PES1: variants seen among roughly 807,000 people sequenced by gnomAD.
PES1 encodes pescadillo ribosomal biogenesis factor 1.
Under a neutral mutation model 77.1 loss-of-function variants are expected in PES1, and 31 were observed. The observed-to-expected ratio is 0.40, with a 90% CI of 0.30 to 0.54. The LOEUF is 0.54. Among genes scored for constraint, PES1 ranks in the 20% least tolerant of loss-of-function variants. The probability of loss-of-function intolerance (pLI) is 0.45; values close to 1 mark genes in which losing one functional copy is unlikely to be tolerated. For missense variants in PES1, 658 were observed against 771.7 expected (o/e 0.85, Z 1.75); for synonymous variants, 282 against 303.0 (o/e 0.93, Z 0.72).
intron 2 of PES1, among the ~76,000 whole-genome samples, chr22:30,598,884 AATTTTTTTTTTTT>A (rs1349204830): frequency 4.3e-4 from 20 of 46,262 alleles, no homozygotes; most frequent in African/African-American, 1.5e-3. Context: ...ACTTAAGTAA[AATTTTTTTTTTTT>A]TTTTTTTTTT....
chr22:30,581,215 C>T, intron 8 of PES1, 114 bp from the exon 9 acceptor site: 1 of 1,344,170 alleles, frequency 7.4e-7, no homozygotes, highest in Non-Finnish European at 1.0e-6. Context: ...GTTCCAAGGG[C>T]AGGCTGAGAC....
chr22:30,579,517 C>A, intron 12 of PES1: 1 of 759,470 alleles, frequency 1.3e-6, no homozygotes, highest in Non-Finnish European at 2.1e-6. Context: ...CTGTCGCCTC[C>A]AATGTAAACT....
intron 4 of PES1, among the ~76,000 whole-genome samples, chr22:30,586,402 G>A (rs534193035): frequency 9.2e-5 from 14 of 152,152 alleles, no homozygotes; most frequent in Non-Finnish European, 2.1e-4. Flanking sequence ...AAGCCAACCC[G>A]AGCCATCCTA....
At chr22:30,597,952 C>T (rs949056877) in intron 2 of PES1, among the ~76,000 whole-genome samples, 7 of 144,278 alleles carry the variant, frequency 4.9e-5, no homozygotes, top group Admixed American at 1.4e-4. Flanking sequence ...GGCGGCATCT[C>T]GGCTCACTGC....
At position 30,588,049 on chromosome 22, in the gene PES1, G is replaced by A. The variant is rs756112403; in HGVS notation, c.230C>T (p.Pro77Leu). 3.1e-6 allele frequency: 5 copies of A among 1,614,084 alleles called. No individual in the cohort carries two copies. The highest frequency in any genetic ancestry group is 4.2e-6 in the Non-Finnish European group (5 of 1,180,048). The change falls in exon 3 of 15, where the codon CCC becomes CTC. Residue 77 changes from proline to leucine, a missense_variant. Coordinates refer to ENST00000354694, the MANE Select transcript of PES1 (RefSeq NM_014303.4). Reference sequence around the variant, plus strand: ...GTATTCACGGAACTTGTTGACAATGGGTTCGTGGAGGAGAAACCTGATGTC... The same window carrying A: ...GTATTCACGGAACTTGTTGACAATGAGTTCGTGGAGGAGAAACCTGATGTC... ...IKDIRFLLHEPIVNKFREYKV... is the reference protein window; with the variant it reads ...IKDIRFLLHELIVNKFREYKV...
intron 2 of PES1, among the ~76,000 whole-genome samples, chr22:30,600,689 G>T (rs182215801): frequency 6.6e-6 from 1 of 152,112 alleles, no homozygotes; most frequent in Non-Finnish European, 1.5e-5. Context: ...GGTGGCGGGC[G>T]CCTGTAGTCC....
intron 2 of PES1, among the ~76,000 whole-genome samples, chr22:30,600,872 C>T (rs1302338357): frequency 3.3e-5 from 5 of 152,302 alleles, no homozygotes; most frequent in East Asian, 3.9e-4. Flanking sequence ...TCTGTCTTGA[C>T]ATCTTTTATG....
At chr22:30,595,818 G>A (rs2087245422), upstream of PES1, among the ~76,000 whole-genome samples, 1 of 152,178 alleles carries the variant, frequency 6.6e-6, no homozygotes, top group African/African-American at 2.4e-5. Flanking sequence ...GGGTGGAGGT[G>A]TAATCCGGTC....
chr22:30,591,722 G>C (rs2146481961), intron 1 of PES1, 88 bp downstream of exon 1: 6 of 1,447,646 alleles, frequency 4.1e-6, no homozygotes, highest in Non-Finnish European at 5.6e-6. Context: ...CAGTCTCCAC[G>C]AGACGGAGCC....
At chr22:30,583,272 C>T (rs565978133) in intron 6 of PES1, among the ~76,000 whole-genome samples, 30 of 152,290 alleles carry the variant, frequency 2.0e-4, no homozygotes, top group Non-Finnish European at 3.2e-4. Context: ...GCCTCTCACT[C>T]GCAAACAGGC....
chr22:30,597,855 G>GT (rs200437889), intron 2 of PES1, among the ~76,000 whole-genome samples: 11 of 142,848 alleles, frequency 7.7e-5, no homozygotes, highest in African/African-American at 2.1e-4. Flanking sequence ...AACTCGCTCG[G>GT]TTTTTTTTCC....
At chr22:30,580,276 T>G in intron 10 of PES1, 98 bp from the exon 11 acceptor site, 1 of 1,472,136 alleles carries the variant, frequency 6.8e-7, no homozygotes, top group East Asian at 2.3e-5. Flanking sequence ...GCCCATAAAC[T>G]CACCCTCTTA....
intron 4 of PES1, among the ~76,000 whole-genome samples, chr22:30,586,044 C>T (rs1437073994): frequency 1.3e-5 from 2 of 152,230 alleles, no homozygotes; most frequent in African/African-American, 4.8e-5. Context: ...AGAAACAGCA[C>T]CAGCATTTCT....
At chr22:30,598,919 TGGA>T (rs1569031753) in intron 2 of PES1, among the ~76,000 whole-genome samples, 5 of 103,398 alleles carry the variant, frequency 4.8e-5, no homozygotes, top group African/African-American at 7.6e-5. Context: ...TTTTTTGAGA[TGGA>T]GTCCTGCTCT....
chr22:30,600,559 G>A (rs749247212), intron 2 of PES1, among the ~76,000 whole-genome samples: 9 of 152,028 alleles, frequency 5.9e-5, no homozygotes, highest in African/African-American at 9.7e-5. Flanking sequence ...GCTCATGCCT[G>A]TAATCCCAGC....
intron 14 of PES1, among the ~76,000 whole-genome samples, chr22:30,577,827 C>T (rs1432752047): frequency 6.6e-6 from 1 of 152,172 alleles, no homozygotes; most frequent in Admixed American, 6.5e-5. Context: ...AAAACTGCAG[C>T]AATTATGCTT....
intron 6 of PES1, among the ~76,000 whole-genome samples, chr22:30,583,039 A>G (rs908671196): frequency 6.6e-6 from 1 of 152,224 alleles, no homozygotes; most frequent in Non-Finnish European, 1.5e-5. Flanking sequence ...CCCCAGGGCC[A>G]GCTGTGTGGA....
intron 2 of PES1, among the ~76,000 whole-genome samples, chr22:30,600,067 C>A (rs570414789): frequency 1.3e-5 from 2 of 152,240 alleles, no homozygotes; most frequent in South Asian, 2.1e-4. Context: ...CTAGGTGGCT[C>A]ACGCCTTTAA....
At chr22:30,592,017 TA>T, upstream of PES1, 1 of 1,371,252 alleles carries the variant, frequency 7.3e-7, no homozygotes, top group Non-Finnish European at 9.4e-7. Context: ...GATTTAAAAC[TA>T]TAGTCTGAAA....
Sources: gnomAD v4.1 joint callset for allele counts (sites outside exome capture counted in the v4.1 genomes callset) on GRCh38, gnomAD v4.1.1 for gene constraint, MANE v1.5 for transcripts, NCBI Gene and HGNC (gene_info 2026-07-23, HGNC 2026-07-21) for gene names.